Variants in CD6 observed in about 807,000 individuals in gnomAD.
CD6 encodes CD6 molecule.
Under a neutral mutation model 75.3 loss-of-function variants are expected in CD6, and 53 were observed. The ratio of observed to expected loss-of-function variants is 0.70; its 90% CI spans 0.56 to 0.88. CD6 has a LOEUF of 0.88. Among genes scored for constraint, CD6 ranks in the 40% least tolerant of loss-of-function variants. The pLI is 0.00. For missense variants in CD6, 770 were observed against 897.1 expected (o/e 0.86, Z 1.81); for synonymous variants, 359 against 381.5 (o/e 0.94, Z 0.69).
chr11:61,005,072 G>C (rs2135146615), intron 1 of CD6, among the ~76,000 whole-genome samples: 1 of 152,340 alleles, frequency 6.6e-6, no homozygotes. Context: ...CAAGTCCTTG[G>C]AGACAGTTTA....
At chr11:61,010,635 C>G (rs896212238) in intron 5 of CD6, among the ~76,000 whole-genome samples, 1 of 152,182 alleles carries the variant, frequency 6.6e-6, no homozygotes, top group African/African-American at 2.4e-5. Flanking sequence ...CGCAGGATAG[C>G]TGGGAAACCT....
chr11:61,017,190 C>T, intron 9 of CD6: 1 of 440,274 alleles, frequency 2.3e-6, no homozygotes, highest in Admixed American at 3.5e-5. Flanking sequence ...AAGGACAGAA[C>T]CAAGACTCTT....
Position 61,007,694 on chromosome 11 carries a change from G to A in CD6, c.253G>A (p.Ala85Thr), listed in dbSNP as rs1293724586. The A allele has an allele frequency of 2.1e-6, 3 of 1,407,770 alleles. No individual in the cohort carries two copies. The Admixed American group carries it at 1.0e-4, about 48-fold the overall frequency. 87.2% of individuals were successfully genotyped at this position (1,407,770 alleles called of 1,614,324 possible). ...CCGCGCCGCCGAGGCCGTGTGCCGAGCACTGGGCTGCGGCGGGGCGGAGGC... is the reference window on the plus strand; with the variant it reads ...CCGCGCCGCCGAGGCCGTGTGCCGAACACTGGGCTGCGGCGGGGCGGAGGC... ...DSRAAEAVCR[A>T]LGCGGAEAAS... Residue 85 changes from alanine (A) to threonine (T), a missense_variant, in exon 3 of 13, where the codon GCA becomes ACA. By Grantham distance (58) the Ala-to-Thr change is moderately conservative (BLOSUM62 0). Coordinates refer to ENST00000313421, the MANE Select transcript of CD6 (RefSeq NM_006725.5). This position sits in a 1 kb window ranked among gnomAD's most constrained non-coding sequence, Gnocchi z 4.2.
rs1170469416 is a variant in CD6, at chr11:61,008,773, C to T, written c.709C>T (p.Leu237=). 6.3e-7 allele frequency: 1 copy of T among 1,599,854 alleles called. No individual in the cohort carries two copies. The highest frequency in any genetic ancestry group is 8.5e-7 in the Non-Finnish European group (1 of 1,170,996). ...GAACTGCTCGGGGGCCGAAGCTTAC[C>T]TGTGGGACTGCCCGGGGCTGCCAGG... ...QVNCSGAEAY[L]WDCPGLPGQH... The change falls in exon 4 of 13, where the codon CTG becomes TTG. Residue 237 remains leucine (L), a synonymous_variant. Transcript: ENST00000313421.
In CD6 at chr11:60,990,236, T is replaced by A. The variant is rs190165636; in HGVS notation, c.50-16338T>A. 5.2e-4 allele frequency among the ~76,000 whole-genome samples: 79 copies of A among 152,368 alleles called. 1 individual carries two copies. The highest frequency in any genetic ancestry group is 1.5e-3 in the African/African-American group (63 of 41,598). On this transcript the variant is annotated intron_variant, in intron 1 of 12. Transcript: ENST00000313421. Reference sequence around the variant, plus strand: ...AATGACATTTGTTTATTTGTTTATTTGCTTTTGAGATGGTGTCTCGCACTG... The same window carrying A: ...AATGACATTTGTTTATTTGTTTATTAGCTTTTGAGATGGTGTCTCGCACTG...
At chr11:61,005,630 T>A (rs1260081579) in intron 1 of CD6, among the ~76,000 whole-genome samples, 1 of 152,222 alleles carries the variant, frequency 6.6e-6, no homozygotes, top group East Asian at 1.9e-4. Flanking sequence ...CTCATTGCAT[T>A]GTTGAAAGTA....
rs776424888 is a variant in CD6 at position 61,008,544 on chromosome 11, G to C, written c.480G>C (p.Ala160=). The C allele has an allele frequency of 2.6e-5, 41 of 1,600,106 alleles. No homozygotes were observed. The African/African-American group carries it at 5.1e-4, about 20-fold the overall frequency. ...CCCTCCCACCCCTAGAGAACCGCGC[G>C]CTGCGCCTGGTGGACGGTGGCGGCG... is the stretch of plus-strand genomic sequence containing the variant. ...RARVTCAENR[A]LRLVDGGGAC... Residue 160 remains alanine (A), a synonymous_variant, in exon 4 of 13, where the codon GCG becomes GCC. Coordinates refer to ENST00000313421, the MANE Select transcript of CD6 (RefSeq NM_006725.5).
intron 6 of CD6, among the ~76,000 whole-genome samples, chr11:61,013,071 A>G (rs1265021754): frequency 1.3e-5 from 2 of 152,160 alleles, no homozygotes; most frequent in Non-Finnish European, 2.9e-5. Context: ...CTGTTGTCTT[A>G]TGTGTAGCCC....
chr11:61,014,149 C>A, intron 8 of CD6, 135 bp downstream of exon 8: 1 of 623,158 alleles, frequency 1.6e-6, no homozygotes, highest in Non-Finnish European at 2.7e-6. Flanking sequence ...CACTCCCGGC[C>A]CTGGGACCTT....
chr11:61,019,282 C>T lies in CD6; in HGVS notation c.1971C>T (p.Thr657=), dbSNP rs202123482. Residue 657 remains threonine (T), a synonymous_variant, in exon 13 of 13, where the codon ACC becomes ACT. Coordinates refer to ENST00000313421, the MANE Select transcript of CD6 (RefSeq NM_006725.5). ...CCCCCAGCCCTCAGCCTGACTCCAC[C>T]GACAACGATGACTACGATGACATCA... ...PGSPSPQPDS[T]DNDDYDDISA... The T allele has an allele frequency of 1.1e-4, 178 of 1,610,984 alleles. No individual in the cohort carries two copies. The highest frequency in any genetic ancestry group is 2.1e-4 in the African/African-American group (16 of 74,910).
chr11:61,009,901 G>T (rs1859066445), intron 5 of CD6, 27 bp downstream of exon 5: 2 of 1,519,224 alleles, frequency 1.3e-6, no homozygotes, highest in Admixed American at 2.2e-5. Context: ...CACCCCCCCA[G>T]ATTTGAGCCA....
At chr11:60,974,481 G>A (rs1409336572) in intron 1 of CD6, among the ~76,000 whole-genome samples, 3 of 152,138 alleles carry the variant, frequency 2.0e-5, no homozygotes, top group Admixed American at 6.5e-5. Context: ...TCCTGACCTC[G>A]TGATCCACCC....
Position 60,995,882 on chromosome 11 carries a change from G to A in CD6, c.50-10692G>A, listed in dbSNP as rs527262918. ...GGGTTCTGAGTTGTGTCACCATTGC[G>A]GGGGAAGGGTGGGTTATCATTTCTA... On this transcript the variant is annotated intron_variant, in intron 1 of 12. Coordinates refer to ENST00000313421, the MANE Select transcript of CD6 (RefSeq NM_006725.5). Among the ~76,000 whole-genome samples the A allele has an allele frequency of 6.6e-5, 10 of 152,292 alleles. No individual in the cohort carries two copies. The East Asian group carries it at 7.7e-4, about 12-fold the overall frequency.
chr11:61,001,807 T>A (rs1322564774), intron 1 of CD6, among the ~76,000 whole-genome samples: 1 of 152,188 alleles, frequency 6.6e-6, no homozygotes. Context: ...GCAGGGCCTT[T>A]GGTTCAACAA....
chr11:61,005,278 C>T lies in CD6; in HGVS notation c.50-1296C>T, dbSNP rs185778973. On this transcript the variant is annotated intron_variant, in intron 1 of 12. Transcript: ENST00000313421. The stretch of plus-strand genomic sequence containing the variant: ...ACAACCAGGGAGTGGTCAGTGAGTC[C>T]GAGTAGGAGACAGTCAAGGAGAGGT... Among the ~76,000 whole-genome samples the T allele has an allele frequency of 2.0e-5, 3 of 152,302 alleles. No individual in the cohort carries two copies. In the East Asian group the frequency reaches 5.8e-4, roughly 29 times the overall value.
rs769155033 is a variant in CD6 at position 61,019,297 on chromosome 11, C to T, written c.1986C>T (p.Tyr662=). 6.8e-6 allele frequency: 11 copies of T among 1,610,180 alleles called. No individual in the cohort carries two copies. The highest frequency in any genetic ancestry group is 3.3e-5 in the Admixed American group (2 of 59,986). The change falls in exon 13 of 13, where the codon TAC becomes TAT. Residue 662 remains tyrosine (Y), a synonymous_variant. Transcript: ENST00000313421. ...CTGACTCCACCGACAACGATGACTA[C>T]GATGACATCAGCGCAGCCTAGGCCG... ...PQPDSTDNDD[Y]DDISAA is the part of the protein sequence containing the mutation.
chr11:61,018,139 C>T (rs2134510433), intron 11 of CD6, 126 bp downstream of exon 11: 1 of 1,336,642 alleles, frequency 7.5e-7, no homozygotes. Context: ...CGCTGTGTGC[C>T]CTTGGACACA....
At chr11:61,008,206 C>A in intron 3 of CD6, 1 of 440,924 alleles carries the variant, frequency 2.3e-6, no homozygotes, top group South Asian at 6.8e-5. Flanking sequence ...CCCGCCGCTT[C>A]CCTGTCCCCG....
In CD6 at chr11:61,007,720, C is replaced by G. The variant is rs1234280890; in HGVS notation, c.279C>G (p.Ala93=). Residue 93 remains alanine (A), a synonymous_variant, in exon 3 of 13, where the codon GCC becomes GCG. Transcript: ENST00000313421. This position sits in a 1 kb window ranked among gnomAD's most constrained non-coding sequence, Gnocchi z 4.2. ...CRALGCGGAE[A]ASQLAPPTPE... ...CACTGGGCTGCGGCGGGGCGGAGGC[C>G]GCCTCTCAGCTCGCCCCGCCGACCC... 7.2e-7 allele frequency: 1 copy of G among 1,393,174 alleles called. No individual in the cohort carries two copies. Among genetic ancestry groups the G allele is most frequent in the Admixed American group, 3.6e-5 (1 of 28,074 alleles). The allele number at this position is 1,393,174 out of a possible 1,614,324, so 86.3% of individuals were successfully genotyped here.
Sources: gnomAD v4.1 joint callset for allele counts (sites outside exome capture counted in the v4.1 genomes callset) on GRCh38, gnomAD v4.1.1 for gene constraint, Gnocchi (gnomAD v3.1) non-coding constraint, MANE v1.5 for transcripts, NCBI Gene and HGNC (gene_info 2026-07-23, HGNC 2026-07-21) for gene names.